Variants in RUSC1 observed in about 807,000 individuals in gnomAD.
The protein encoded by RUSC1 is AP-4 complex accessory subunit RUSC1.
RUSC1 carries 40 observed loss-of-function variants against 72.1 expected under a neutral mutation model. The observed-to-expected ratio is 0.55, with a 90% CI of 0.43 to 0.72. The LOEUF (loss-of-function observed/expected upper bound fraction) is 0.72. Ranked by LOEUF, RUSC1 falls within the 30% of genes least tolerant of loss-of-function variation. The pLI is 0.00. For synonymous variants in RUSC1, 512 were observed against 494.2 expected (o/e 1.04, Z -0.48); for missense variants, 1,092 against 1,172.3 (o/e 0.93, Z 1.00).
rs749309179 is a variant in RUSC1, at chr1:155,322,975, C to A, written c.1202C>A (p.Pro401His). ...PVGWALVPPR[P>H]PPPPVPPRRK... ...GGCTGGGCTTTGGTCCCGCCCCGGC[C>A]CCCACCCCCGCCTGTCCCTCCCCGA... Residue 401 changes from proline (P) to histidine (H), a missense_variant, in exon 2 of 10, where the codon CCC becomes CAC. Transcript: ENST00000368352. The A allele has an allele frequency of 5.3e-6, 8 of 1,514,246 alleles. No individual in the cohort carries two copies. Among genetic ancestry groups the A allele is most frequent in the Non-Finnish European group, 8.9e-7 (1 of 1,125,244 alleles). 93.8% of individuals were successfully genotyped at this position (1,514,246 alleles called of 1,614,324 possible).
Position 155,325,573 on chromosome 1 carries a change from G to T in RUSC1, c.1715G>T (p.Ser572Ile). The change falls in exon 6 of 10, where the codon AGC (serine) becomes ATC (isoleucine). Residue 572 changes from serine to isoleucine, a missense_variant. Coordinates refer to ENST00000368352, the MANE Select transcript of RUSC1 (RefSeq NM_001105203.2). This position sits in a 1 kb window ranked among gnomAD's most constrained non-coding sequence, Gnocchi z 6.5. ...VVEASVKPGSSTRSLGTLYSQ... is the reference protein window; with the variant it reads ...VVEASVKPGSITRSLGTLYSQ... ...CTGCACCCCACGTTCTCAGGCTCCA[G>T]CACCCGCTCCCTTGGAACCCTGTAT... The T allele has an allele frequency of 1.2e-6, 2 of 1,610,008 alleles. No homozygotes were observed. The highest frequency in any genetic ancestry group is 2.2e-5 in the South Asian group (2 of 91,086).
chr1:155,321,006 G>T lies in RUSC1; in HGVS notation c.-87+15G>T. 1 of 1,507,886 alleles carries T rather than the reference G, an allele frequency of 6.6e-7. No homozygotes were observed. Among genetic ancestry groups the T allele is most frequent in the Non-Finnish European group, 9.0e-7 (1 of 1,113,572 alleles). The allele number at this position is 1,507,886 out of a possible 1,614,324, so 93.4% of individuals were successfully genotyped here. On this transcript the variant is annotated intron_variant, in intron 1 of 9. Transcript: ENST00000368352. The stretch of plus-strand genomic sequence containing the variant: ...GGAGGACCCTGGTGAGGAGGGCTCG[G>T]CCCATGGGTGTAGACCGATGGACCT...
intron 2 of RUSC1, 74 bp downstream of exon 2, chr1:155,323,204 CCT>C (rs1315779829): frequency 1.3e-5 from 18 of 1,363,784 alleles, no homozygotes; most frequent in South Asian, 1.8e-5. Flanking sequence ...AACCCGGCCC[CCT>C]GTCTTCCCTC....
At chr1:155,327,833 C>T (rs547380511) in intron 8 of RUSC1, among the ~76,000 whole-genome samples, 9 of 152,204 alleles carry the variant, frequency 5.9e-5, no homozygotes, top group Non-Finnish European at 1.3e-4. Flanking sequence ...CCAACCCCTG[C>T]TCCAGGCTTC....
chr1:155,327,185 A>G, intron 8 of RUSC1, 53 bp downstream of exon 8: 2 of 1,506,998 alleles, frequency 1.3e-6, no homozygotes, highest in Admixed American at 2.2e-5. Flanking sequence ...CAGATCTCCT[A>G]GCGGCTTCAT....
In RUSC1 at chr1:155,326,504, G is replaced by T; in HGVS notation, c.1862-76G>T. The stretch of plus-strand genomic sequence containing the variant: ...AGTGAGGCCTGGGAAGATGTGTGCT[G>T]ACTGGTGGGCTGCTCTGGGGGGTCT... On this transcript the variant is annotated intron_variant, in intron 7 of 9. Coordinates refer to ENST00000368352, the MANE Select transcript of RUSC1 (RefSeq NM_001105203.2). The surrounding 1 kb of genome is among the most constrained non-coding windows in gnomAD (Gnocchi z 4.7). The T allele has an allele frequency of 7.0e-7, 1 of 1,431,370 alleles. No individual in the cohort carries two copies. Among genetic ancestry groups the T allele is most frequent in the South Asian group, 1.3e-5 (1 of 77,832 alleles). 88.7% of individuals were successfully genotyped at this position (1,431,370 alleles called of 1,614,324 possible).
rs1045380616 is a variant in RUSC1, at chr1:155,326,366, T to C, written c.1862-214T>C. 1.7e-6 allele frequency: 1 copy of C among 591,858 alleles called. No homozygotes were observed. Among genetic ancestry groups the C allele is most frequent in the Non-Finnish European group, 3.0e-6 (1 of 334,374 alleles). The allele number at this position is 591,858 out of a possible 1,614,324, so 36.7% of individuals were successfully genotyped here. The stretch of plus-strand genomic sequence containing the variant: ...GTAGCCTTTGCACTGTCTCTGTTAC[T>C]TGTCACCACTTGCTGTGTGTGTCTT... On this transcript the variant is annotated intron_variant, in intron 7 of 9. Coordinates refer to ENST00000368352, the MANE Select transcript of RUSC1 (RefSeq NM_001105203.2). This position sits in a 1 kb window ranked among gnomAD's most constrained non-coding sequence, Gnocchi z 4.7.
At position 155,323,020 on chromosome 1, in the gene RUSC1, G is replaced by A. The variant is rs1335311341; in HGVS notation, c.1247G>A (p.Gly416Glu). Residue 416 changes from glycine to glutamate, a missense_variant, in exon 2 of 10, where the codon GGA (glycine) becomes GAA (glutamate). Coordinates refer to ENST00000368352, the MANE Select transcript of RUSC1 (RefSeq NM_001105203.2). ...CCCCGAAGGAAGAAGAACCGACCTG[G>A]ACTGCAGCCCATAGCGGAGGGGCAG... ...VPPRRKKNRP[G>E]LQPIAEGQSE... is the part of the protein sequence containing the mutation. 1 of 1,492,094 alleles carries A rather than the reference G, an allele frequency of 6.7e-7. No individual in the cohort carries two copies. Among genetic ancestry groups the A allele is most frequent in the Non-Finnish European group, 8.9e-7 (1 of 1,118,980 alleles). The allele number at this position is 1,492,094 out of a possible 1,614,324, so 92.4% of individuals were successfully genotyped here. A position where few individuals can be genotyped will look rare whatever the true frequency, so the allele number is the denominator to read the frequency against.
At position 155,324,874 on chromosome 1, in the gene RUSC1, C is replaced by G. The variant is rs368933433; in HGVS notation, c.1387C>G (p.Pro463Ala). Residue 463 changes from proline (P) to alanine (A), a missense_variant, in exon 3 of 10, where the codon CCC (proline) becomes GCC (alanine). Pro to Ala is a conservative substitution (Grantham distance 27). Transcript: ENST00000368352. ...TAGTTCGTGGTCCTTCGCCGGTGTC[C>G]CCGGAGCCCAGCGGCTGTGGATGGC... ...VRSSWSFAGV[P>A]GAQRLWMAEA... is the part of the protein sequence containing the mutation. The G allele has an allele frequency of 4.7e-5, 76 of 1,614,112 alleles. No homozygotes were observed. Among genetic ancestry groups the G allele is most frequent in the Non-Finnish European group, 5.9e-5 (70 of 1,180,054 alleles).
At position 155,325,210 on chromosome 1, in the gene RUSC1, G is replaced by C. The variant is rs1218722515; in HGVS notation, c.1533+32G>C. The C allele has an allele frequency of 6.2e-7, 1 of 1,613,890 alleles. No homozygotes were observed. The highest frequency in any genetic ancestry group is 2.2e-5 in the East Asian group (1 of 44,898). ...GTGGCTGGGGGGAGGCTGTTGGGAT[G>C]AGGAGAGTAATGGAGCTCCGCGGGG... On this transcript the variant is annotated intron_variant, in intron 4 of 9. Transcript: ENST00000368352. This position sits in a 1 kb window ranked among gnomAD's most constrained non-coding sequence, Gnocchi z 6.5.
rs1440942940 is a variant in RUSC1 at position 155,330,517 on chromosome 1, G to A, written c.2655G>A (p.Gly885=). The change falls in exon 10 of 10, where the codon GGG becomes GGA. Residue 885 remains glycine (G), a synonymous_variant. Transcript: ENST00000368352. ...TGGATGAGGACTGGCTCCGCTGTGG[G>A]CGGGATGGCATGGAGGGTCTGGTGC... ...TTVDEDWLRC[G]RDGMEGLVPV... 6.2e-7 allele frequency: 1 copy of A among 1,613,884 alleles called. No homozygotes were observed. Among genetic ancestry groups the A allele is most frequent in the African/African-American group, 1.3e-5 (1 of 75,046 alleles).
rs1037436639 is a variant in RUSC1 at position 155,325,330 on chromosome 1, T to C, written c.1548T>C (p.Asp516=). Residue 516 remains aspartate, a synonymous_variant, in exon 5 of 10, where the codon GAT becomes GAC. Transcript: ENST00000368352. This position sits in a 1 kb window ranked among gnomAD's most constrained non-coding sequence, Gnocchi z 6.5. ...RNLVQKAQLG[D]SRLSPDVGHL... is the part of the protein sequence containing the mutation. ...GCCACCTCCAGGCCCAGTTGGGTGA[T>C]AGCCGGCTGAGCCCGGATGTGGGGC... is the stretch of plus-strand genomic sequence containing the variant. 1.5e-5 allele frequency: 24 copies of C among 1,601,802 alleles called. No homozygotes were observed. Among genetic ancestry groups the C allele is most frequent in the East Asian group, 2.2e-5 (1 of 44,752 alleles).
chr1:155,322,963 TCCCGCCCCGGCC>T lies in RUSC1; in HGVS notation c.1194_1205del (p.Arg400_Pro403del). The T allele has an allele frequency of 6.9e-7, 1 of 1,451,548 alleles. No homozygotes were observed. 89.9% of individuals were successfully genotyped at this position (1,451,548 alleles called of 1,614,324 possible). A position where few individuals can be genotyped will look rare whatever the true frequency, so the allele number is the denominator to read the frequency against. On this transcript the variant is annotated inframe_deletion, in exon 2 of 10. Coordinates refer to ENST00000368352, the MANE Select transcript of RUSC1 (RefSeq NM_001105203.2). Reference sequence around the variant, plus strand: ...GACCCCCCAGTTGGCTGGGCTTTGGTCCCGCCCCGGCCCCCACCCCCGCCTGTCCCTCCCCGA... The same window carrying T: ...GACCCCCCAGTTGGCTGGGCTTTGGTCCCACCCCCGCCTGTCCCTCCCCGA...
In RUSC1 at chr1:155,325,269, G is replaced by A. The variant is rs774539331; in HGVS notation, c.1534-47G>A. The A allele has an allele frequency of 5.0e-6, 8 of 1,607,766 alleles. No homozygotes were observed. Among genetic ancestry groups the A allele is most frequent in the South Asian group, 2.2e-5 (2 of 91,062 alleles). ...AATGGTTGGCGGGAGGTGGCTGGGA[G>A]GTGTCTGGAGGGATCTCTGGAGCCA... On this transcript the variant is annotated intron_variant, in intron 4 of 9. Transcript: ENST00000368352. The surrounding 1 kb of genome is among the most constrained non-coding windows in gnomAD (Gnocchi z 6.5).
In RUSC1 at chr1:155,322,646, T is replaced by C. The variant is rs764157916; in HGVS notation, c.873T>C (p.Asp291=). 6 of 1,614,066 alleles carry C rather than the reference T, an allele frequency of 3.7e-6. No homozygotes were observed. Among genetic ancestry groups the C allele is most frequent in the Non-Finnish European group, 4.2e-6 (5 of 1,180,042 alleles). ...TRITDSGSKT[D]AGKIDGGWRS... Reference sequence around the variant, plus strand: ...TAACTGATTCTGGCTCGAAAACAGATGCAGGGAAAATTGATGGAGGATGGA... The same window carrying C: ...TAACTGATTCTGGCTCGAAAACAGACGCAGGGAAAATTGATGGAGGATGGA... The change falls in exon 2 of 10, where the codon GAT becomes GAC. Residue 291 remains aspartate (D), a synonymous_variant. Coordinates refer to ENST00000368352, the MANE Select transcript of RUSC1 (RefSeq NM_001105203.2).
chr1:155,324,106 C>T (rs1388738146), intron 2 of RUSC1: 9 of 1,202,476 alleles, frequency 7.5e-6, no homozygotes, highest in Non-Finnish European at 9.4e-6. Context: ...CTAGGGGGTC[C>T]CAGCGAGTCT....
At position 155,325,283 on chromosome 1, in the gene RUSC1, T is replaced by C. The variant is rs1419510545; in HGVS notation, c.1534-33T>C. On this transcript the variant is annotated intron_variant, in intron 4 of 9. Coordinates refer to ENST00000368352, the MANE Select transcript of RUSC1 (RefSeq NM_001105203.2). The surrounding 1 kb of genome is among the most constrained non-coding windows in gnomAD (Gnocchi z 6.5). ...GGTGGCTGGGAGGTGTCTGGAGGGA[T>C]CTCTGGAGCCATCGGCATCGCGCCA... is the stretch of plus-strand genomic sequence containing the variant. 2 of 1,605,804 alleles carry C rather than the reference T, an allele frequency of 1.2e-6. No individual in the cohort carries two copies. The highest frequency in any genetic ancestry group is 1.7e-6 in the Non-Finnish European group (2 of 1,179,520).
Position 155,321,922 on chromosome 1 carries a change from A to G in RUSC1, c.149A>G (p.Glu50Gly), listed in dbSNP as rs566619386. The change falls in exon 2 of 10, where the codon GAG (glutamate) becomes GGG (glycine). Residue 50 changes from glutamate to glycine, a missense_variant. Glu to Gly is a moderately conservative substitution (Grantham distance 98). Transcript: ENST00000368352. ...CCTCCAGGAGACACTGGGGGCAAGG[A>G]GAGCAGGGGCCCCTGCAGTGGCACC... ...PPPPGDTGGKESRGPCSGTLV... is the reference protein window; with the variant it reads ...PPPPGDTGGKGSRGPCSGTLV... 1.2e-5 allele frequency: 19 copies of G among 1,608,262 alleles called. No homozygotes were observed. The highest frequency in any genetic ancestry group is 6.7e-5 in the Admixed American group (4 of 59,346).
In RUSC1 at chr1:155,324,933, G is replaced by A. The variant is rs1273812430; in HGVS notation, c.1446G>A (p.Glu482=). 2 of 1,614,234 alleles carry A rather than the reference G, an allele frequency of 1.2e-6. No individual in the cohort carries two copies. Among genetic ancestry groups the A allele is most frequent in the East Asian group, 4.5e-5 (2 of 44,888 alleles). Residue 482 remains glutamate, a synonymous_variant, in exon 3 of 10, where the codon GAG becomes GAA. Coordinates refer to ENST00000368352, the MANE Select transcript of RUSC1 (RefSeq NM_001105203.2). ...EAQSGTGQLQ[E]QKKGLLIAVS... is the part of the protein sequence containing the mutation. ...AGAGTGGGACTGGTCAGCTGCAGGA[G>A]CAGAAGAAAGGTAGGGCACCCTGAC...
Sources: gnomAD v4.1 joint callset for allele counts (sites outside exome capture counted in the v4.1 genomes callset) on GRCh38, gnomAD v4.1.1 for gene constraint, Gnocchi (gnomAD v3.1) non-coding constraint, MANE v1.5 for transcripts, NCBI Gene and HGNC (gene_info 2026-07-23, HGNC 2026-07-21) for gene names.